Variants in WWOX observed in about 807,000 individuals in gnomAD.
WWOX encodes WW domain containing oxidoreductase.
In WWOX, 69 loss-of-function variants were observed where a neutral mutation model predicts 46.2. That is an observed-to-expected ratio of 1.49 (90% CI 1.23 to 1.82). The LOEUF is 1.82. WWOX is among the 40% of genes most tolerant of loss of function. The pLI is 0.00. For synonymous variants in WWOX, 359 were observed against 202.6 expected (o/e 1.77, Z -6.56); for missense variants, 919 against 542.6 (o/e 1.69, Z -6.89).
At chr16:78,634,055 A>C (rs1239958292) in intron 8 of WWOX, among the ~76,000 whole-genome samples, 1 of 152,158 alleles carries the variant, frequency 6.6e-6, no homozygotes, top group Non-Finnish European at 1.5e-5. Context: ...CCTGTTTTTC[A>C]TACAGTGAGC....
intron 5 of WWOX, among the ~76,000 whole-genome samples, chr16:78,356,029 C>G (rs1355881846): frequency 7.6e-6 from 1 of 131,748 alleles, no homozygotes; most frequent in African/African-American, 2.8e-5. Context: ...TCGTTTTTCT[C>G]AAGCTCTTCC....
intron 5 of WWOX, among the ~76,000 whole-genome samples, chr16:78,347,519 T>C (rs11643038): frequency 0.53 from 61,608 of 115,724 alleles, 24,332 homozygotes; most frequent in African/African-American, 0.65. Flanking sequence ...CCCACACCTC[T>C]TGCATGTTCC....
chr16:78,786,286 G>C lies in WWOX; in HGVS notation c.1056+353534G>C, dbSNP rs144475892. On this transcript the variant is annotated intron_variant, in intron 8 of 8. Coordinates refer to ENST00000566780, the MANE Select transcript of WWOX (RefSeq NM_016373.4). The stretch of plus-strand genomic sequence containing the variant: ...AATAAATGACACCTGGATTTGTAGC[G>C]AATGTCTATTTCCATGGTGTAAATA... Among the ~76,000 whole-genome samples the C allele has an allele frequency of 1.5e-3, 226 of 152,278 alleles. 4 individuals carry two copies. In the East Asian group the frequency reaches 0.039, roughly 26 times the overall value.
intron 8 of WWOX, among the ~76,000 whole-genome samples, chr16:79,134,344 G>C (rs942021799): frequency 6.6e-6 from 1 of 152,132 alleles, no homozygotes; most frequent in Non-Finnish European, 1.5e-5. Context: ...ATTTATTGGA[G>C]AAGATAAGAA....
intron 8 of WWOX, among the ~76,000 whole-genome samples, chr16:79,138,831 G>C (rs543954647): frequency 6.6e-6 from 1 of 152,174 alleles, no homozygotes; most frequent in Non-Finnish European, 1.5e-5. Context: ...CACCAGATGT[G>C]GCAGGGTGAG....
rs184015372 is a variant in WWOX at position 78,509,821 on chromosome 16, G to A, written c.1056+77069G>A. On this transcript the variant is annotated intron_variant, in intron 8 of 8. Transcript: ENST00000566780. ...AATAGTATAAAAAATTGAGGAAGCC[G>A]TGTGGCTCACAAATTCAGCACTTTG... Among the ~76,000 whole-genome samples the A allele has an allele frequency of 1.5e-3, 223 of 151,948 alleles. 2 individuals are homozygous for A. The highest frequency in any genetic ancestry group is 4.8e-3 in the African/African-American group (198 of 41,452).
intron 8 of WWOX, among the ~76,000 whole-genome samples, chr16:78,854,750 T>A (rs1294751559): frequency 3.3e-5 from 5 of 151,538 alleles, no homozygotes; most frequent in East Asian, 1.9e-4. Flanking sequence ...CCAGCTACTT[T>A]TTGTATTTTT....
At chr16:78,146,953 C>G (rs1294402614) in intron 4 of WWOX, among the ~76,000 whole-genome samples, 1 of 152,144 alleles carries the variant, frequency 6.6e-6, no homozygotes, top group Admixed American at 6.5e-5. Context: ...CAAGAAAACT[C>G]ACAGAAGCAG....
chr16:78,400,447 TGTCACCCCCAG>T (rs1701861489), intron 6 of WWOX, among the ~76,000 whole-genome samples: 1 of 152,226 alleles, frequency 6.6e-6, no homozygotes, highest in South Asian at 2.1e-4. Context: ...GCAGTCTGGC[TGTCACCCCCAG>T]GATTCTAATG....
chr16:79,100,871 A>C (rs189591827), intron 8 of WWOX, among the ~76,000 whole-genome samples: 1 of 151,918 alleles, frequency 6.6e-6, no homozygotes, highest in Non-Finnish European at 1.5e-5. Context: ...TGTATTAACA[A>C]GATGTCCACT....
intron 8 of WWOX, among the ~76,000 whole-genome samples, chr16:79,000,593 C>T (rs1167905088): frequency 6.6e-6 from 1 of 152,062 alleles, no homozygotes; most frequent in African/African-American, 2.4e-5. Context: ...CGTCTAGAAG[C>T]CAGAAGAGGC....
chr16:78,922,863 A>T (rs903288767), intron 8 of WWOX, among the ~76,000 whole-genome samples: 1 of 152,188 alleles, frequency 6.6e-6, no homozygotes, highest in Admixed American at 6.5e-5. Context: ...GCCTATTTTC[A>T]ATAAGGGCTT....
chr16:78,373,697 T>G (rs1005781113), intron 5 of WWOX, among the ~76,000 whole-genome samples: 1 of 152,220 alleles, frequency 6.6e-6, no homozygotes, highest in African/African-American at 2.4e-5. Context: ...AGTTCATGTT[T>G]CTTTTGATGA....
chr16:78,929,513 A>G (rs1409746616), intron 8 of WWOX, among the ~76,000 whole-genome samples: 13 of 152,162 alleles, frequency 8.5e-5, no homozygotes, highest in Admixed American at 8.5e-4. Context: ...CTGGCACCGT[A>G]TCCGAGTGGG....
At chr16:78,707,302 A>G (rs956568594) in intron 8 of WWOX, among the ~76,000 whole-genome samples, 2 of 152,218 alleles carry the variant, frequency 1.3e-5, no homozygotes, top group Non-Finnish European at 2.9e-5. Flanking sequence ...AAAAATCTCT[A>G]CATTTCTCAA....
chr16:78,632,984 C>T (rs1393027345), intron 8 of WWOX, among the ~76,000 whole-genome samples: 1 of 152,058 alleles, frequency 6.6e-6, no homozygotes, highest in Non-Finnish European at 1.5e-5. Context: ...TTAAGGTGGC[C>T]AGGCATGGTG....
chr16:78,550,777 T>G (rs536143179), intron 8 of WWOX: 8 of 152,184 alleles, frequency 5.3e-5, no homozygotes, highest in African/African-American at 7.2e-5. Context: ...TTTCCATCCT[T>G]GAATAACTTG....
Position 78,376,372 on chromosome 16 carries a change from A to G in WWOX, c.517-10488A>G, listed in dbSNP as rs146072338. On this transcript the variant is annotated intron_variant, in intron 5 of 8. Transcript: ENST00000566780. ...AGGAAAAGTTGCACGATGTTTTTAC[A>G]TGGGTAGAAAATATACTCTGGAAGG... Among the ~76,000 whole-genome samples, 67 of 152,308 alleles carry G rather than the reference A, an allele frequency of 4.4e-4. 1 individual carries two copies. In the East Asian group the frequency reaches 0.013, roughly 29 times the overall value.
intron 8 of WWOX, among the ~76,000 whole-genome samples, chr16:79,030,290 A>G (rs1443449951): frequency 1.3e-5 from 2 of 152,218 alleles, no homozygotes; most frequent in Non-Finnish European, 2.9e-5. Context: ...TGACTTCTTC[A>G]TTAGGGTTTC....
Sources: gnomAD v4.1 joint callset for allele counts (sites outside exome capture counted in the v4.1 genomes callset) on GRCh38, gnomAD v4.1.1 for gene constraint, MANE v1.5 for transcripts, NCBI Gene and HGNC (gene_info 2026-07-23, HGNC 2026-07-21) for gene names.